The following SMAP1 variants were observed in gnomAD, a reference collection of about 807,000 sequenced individuals.
The protein encoded by SMAP1 is stromal membrane-associated protein 1.
In SMAP1, 24 loss-of-function variants were observed where a neutral mutation model predicts 58.5. The ratio of observed to expected loss-of-function variants is 0.41; its 90% CI spans 0.30 to 0.58. The LOEUF is 0.58. Ranked by LOEUF, SMAP1 falls within the 20% of genes least tolerant of loss-of-function variation. The probability of loss-of-function intolerance (pLI) is 0.29; values close to 1 mark genes in which losing one functional copy is unlikely to be tolerated. For missense variants in SMAP1, 563 were observed against 566.3 expected (o/e 0.99, Z 0.06); for synonymous variants, 216 against 196.6 (o/e 1.10, Z -0.82).
chr6:70,729,396 G>A (rs749171752), intron 1 of SMAP1, among the ~76,000 whole-genome samples: 99 of 147,710 alleles, frequency 6.7e-4, no homozygotes, highest in Non-Finnish European at 9.2e-4. Flanking sequence ...CCGAGATCAC[G>A]CCACTGCACT....
intron 1 of SMAP1, among the ~76,000 whole-genome samples, chr6:70,708,425 A>G (rs1582037831): frequency 1.3e-5 from 2 of 152,200 alleles, no homozygotes; most frequent in Non-Finnish European, 2.9e-5. Flanking sequence ...AAATGCTGCA[A>G]TGAACATGGG....
chr6:70,796,030 C>T (rs1439760516), intron 5 of SMAP1, among the ~76,000 whole-genome samples: 3 of 152,126 alleles, frequency 2.0e-5, no homozygotes, highest in Non-Finnish European at 4.4e-5. Flanking sequence ...TGCCCGGCCT[C>T]CTTCTCAACA....
intron 1 of SMAP1, 139 bp downstream of exon 1, chr6:70,668,280 AGCGG>A: frequency 1.2e-6 from 1 of 864,178 alleles, no homozygotes; most frequent in Non-Finnish European, 1.7e-6. Flanking sequence ...CGGGTGGCTG[AGCGG>A]GCGGGCGCGG....
At chr6:70,795,239 A>T (rs1361819144) in intron 5 of SMAP1, among the ~76,000 whole-genome samples, 1 of 152,150 alleles carries the variant, frequency 6.6e-6, no homozygotes, top group Non-Finnish European at 1.5e-5. Flanking sequence ...TAGTGATTTC[A>T]TATGTGCCCA....
At chr6:70,792,092 T>C (rs1191899996) in intron 5 of SMAP1, among the ~76,000 whole-genome samples, 1 of 152,192 alleles carries the variant, frequency 6.6e-6, no homozygotes. Context: ...TTTCTATGAT[T>C]CTGTTGTTAA....
chr6:70,749,492 A>AT (rs1018113197), intron 2 of SMAP1, among the ~76,000 whole-genome samples: 3 of 152,076 alleles, frequency 2.0e-5, no homozygotes, highest in African/African-American at 7.2e-5. Flanking sequence ...CTATTTTAAC[A>AT]TTTTGCAGTT....
Position 70,836,971 on chromosome 6 carries a change from A to G in SMAP1, c.607A>G (p.Lys203Glu), listed in dbSNP as rs766890172. ...GAAGAAAGATCAGCAACTGGAGCCT[A>G]AAAAAAGTACCAGCCCTAAAAAAGC... ...LQKKDQQLEPKKSTSPKKAAE... is the reference protein window; with the variant it reads ...LQKKDQQLEPEKSTSPKKAAE... The change falls in exon 7 of 11, where the codon AAA becomes GAA. Residue 203 changes from lysine to glutamate, a missense_variant. Around this residue, in one of 3 missense-constraint regions of SMAP1, gnomAD observed 494 missense variants for 473.8 expected, o/e 1.04. Coordinates refer to ENST00000370455, the MANE Select transcript of SMAP1 (RefSeq NM_001044305.3). 4 of 1,597,446 alleles carry G rather than the reference A, an allele frequency of 2.5e-6. No individual in the cohort carries two copies. Among genetic ancestry groups the G allele is most frequent in the South Asian group, 1.1e-5 (1 of 87,048 alleles).
intron 6 of SMAP1, among the ~76,000 whole-genome samples, chr6:70,835,913 A>T (rs2149997151): frequency 6.6e-6 from 1 of 152,308 alleles, no homozygotes; most frequent in South Asian, 2.1e-4. Context: ...TGAGAAAGTA[A>T]GTTTGGAATG....
At chr6:70,817,066 G>T (rs1370903531) in intron 6 of SMAP1, among the ~76,000 whole-genome samples, 1 of 150,850 alleles carries the variant, frequency 6.6e-6, no homozygotes, top group Admixed American at 6.6e-5. Flanking sequence ...TTAGTGACAG[G>T]ACCCCTTTCC....
intron 1 of SMAP1, among the ~76,000 whole-genome samples, chr6:70,677,629 G>C (rs2128550163): frequency 6.7e-6 from 1 of 148,812 alleles, no homozygotes; most frequent in South Asian, 2.2e-4. Flanking sequence ...CGCATACCTT[G>C]TGACTTCTAT....
intron 3 of SMAP1, among the ~76,000 whole-genome samples, chr6:70,764,946 C>T (rs961426741): frequency 6.6e-6 from 1 of 152,106 alleles, no homozygotes; most frequent in African/African-American, 2.4e-5. Flanking sequence ...ACTACAGGCA[C>T]ACCACTACCA....
intron 4 of SMAP1, among the ~76,000 whole-genome samples, chr6:70,783,935 T>A (rs1197310337): frequency 6.6e-6 from 1 of 152,120 alleles, no homozygotes; most frequent in East Asian, 1.9e-4. Context: ...ACATTCAGAT[T>A]CAGGAAATAC....
At chr6:70,764,699 A>G (rs113519326) in intron 3 of SMAP1, among the ~76,000 whole-genome samples, 268 of 152,342 alleles carry the variant, frequency 1.8e-3, no homozygotes, top group Non-Finnish European at 2.9e-3. Flanking sequence ...TGCTCCTAGT[A>G]ACCCAAGAGC....
intron 1 of SMAP1, among the ~76,000 whole-genome samples, chr6:70,689,211 G>A (rs998103252): frequency 2.1e-4 from 32 of 152,222 alleles, no homozygotes; most frequent in African/African-American, 7.5e-4. Context: ...GTTTCACTAT[G>A]TTGGCAGGGC....
intron 6 of SMAP1, among the ~76,000 whole-genome samples, chr6:70,803,259 T>C (rs918474895): frequency 1.2e-4 from 18 of 152,162 alleles, no homozygotes; most frequent in Non-Finnish European, 2.2e-4. Flanking sequence ...CAATTTATCA[T>C]TTTCTAGATT....
At chr6:70,828,915 G>T (rs920016264) in intron 6 of SMAP1, among the ~76,000 whole-genome samples, 2 of 152,112 alleles carry the variant, frequency 1.3e-5, no homozygotes, top group African/African-American at 4.8e-5. Flanking sequence ...GCATGGCGGT[G>T]CATGCCTATA....
At chr6:70,675,829 G>T (rs922707924) in intron 1 of SMAP1, among the ~76,000 whole-genome samples, 1 of 152,086 alleles carries the variant, frequency 6.6e-6, no homozygotes, top group Non-Finnish European at 1.5e-5. Flanking sequence ...CATCTGAGGG[G>T]AATCTTGGGG....
At position 70,858,237 on chromosome 6, in the gene SMAP1, T is replaced by C; in HGVS notation, c.1269+8T>C. 1 of 1,582,552 alleles carries C rather than the reference T, an allele frequency of 6.3e-7. No homozygotes were observed. The highest frequency in any genetic ancestry group is 8.6e-7 in the Non-Finnish European group (1 of 1,161,878). On this transcript the variant is annotated splice_region_variant and intron_variant, in intron 10 of 10. Coordinates refer to ENST00000370455, the MANE Select transcript of SMAP1 (RefSeq NM_001044305.3). Reference sequence around the variant, plus strand: ...CAGTGGAGCCTCTCACAGGTAGGGGTCATTTACTTTCTAGCTTCTCCCAAA... The same window carrying C: ...CAGTGGAGCCTCTCACAGGTAGGGGCCATTTACTTTCTAGCTTCTCCCAAA...
At chr6:70,669,256 T>A (rs1766165436) in intron 1 of SMAP1, among the ~76,000 whole-genome samples, 1 of 152,212 alleles carries the variant, frequency 6.6e-6, no homozygotes. Flanking sequence ...AAGATTTCTG[T>A]GTTATTTGAC....
Sources: gnomAD v4.1 joint callset for allele counts (sites outside exome capture counted in the v4.1 genomes callset) on GRCh38, gnomAD v4.1.1 for gene constraint, gnomAD v4.1.1 regional missense constraint, MANE v1.5 for transcripts, NCBI Gene and HGNC (gene_info 2026-07-23, HGNC 2026-07-21) for gene names.